ESX1: variants seen among roughly 807,000 people sequenced by gnomAD.
The protein encoded by ESX1 is ESX homeobox 1.
In ESX1, 2 loss-of-function variants were observed where a neutral mutation model predicts 13.2. The ratio of observed to expected loss-of-function variants is 0.15; its 90% confidence interval spans 0.06 to 0.48. ESX1 has a LOEUF of 0.48. ESX1 is among the 20% of genes least tolerant of loss of function. The pLI is 0.97. For missense variants in ESX1, 307 were observed against 379.0 expected (o/e 0.81, Z 1.58); for synonymous variants, 157 against 163.1 (o/e 0.96, Z 0.29).
At chrX:104,251,833 T>C (rs1808149814) in intron 3 of ESX1, among the ~76,000 whole-genome samples, 1 of 111,797 alleles carries the variant, frequency 8.9e-6, no homozygotes, top group Non-Finnish European at 1.9e-5. Flanking sequence ...ACATCTAAGA[T>C]GTTTTTTCTA....
chrX:104,252,318 G>A (rs1251330321), intron 3 of ESX1, among the ~76,000 whole-genome samples: 4 of 112,109 alleles, frequency 3.6e-5, no homozygotes, highest in African/African-American at 1.3e-4. Flanking sequence ...TACTTCCGAG[G>A]TGAGACTGAG....
chrX:104,251,056 C>T (rs1211319639), intron 3 of ESX1, among the ~76,000 whole-genome samples, 160 bp from the exon 4 acceptor site: 1 of 111,245 alleles, frequency 9.0e-6, no homozygotes. Flanking sequence ...GAGGGAGGGG[C>T]TCAGATGTGC....
In ESX1 at chrX:104,250,756, A is replaced by C. The variant is rs1556394128; in HGVS notation, c.693T>G (p.Pro231=). 1 of 1,210,043 alleles carries C rather than the reference A, an allele frequency of 8.3e-7. No individual in the cohort carries two copies. Among genetic ancestry groups the C allele is most frequent in the African/African-American group, 1.7e-5 (1 of 57,166 alleles). ...GAYYAAPALD[P]ALCVHLVPQL... ...GTGGCACCAGATGAACACACAAAGCAGGATCCAGAGCAGGAGCAGCATAAT... is the reference window on the plus strand; with the variant it reads ...GTGGCACCAGATGAACACACAAAGCCGGATCCAGAGCAGGAGCAGCATAAT... The change falls in exon 4 of 4, where the codon CCT becomes CCG. Residue 231 remains proline (P), a synonymous_variant. Transcript: ENST00000372588.
chrX:104,254,352 A>G lies in ESX1; in HGVS notation c.308T>C (p.Leu103Pro), dbSNP rs782397280. 8.3e-7 allele frequency: 1 copy of G among 1,210,432 alleles called. No homozygotes were observed. The highest frequency in any genetic ancestry group is 1.1e-6 in the Non-Finnish European group (1 of 895,082). ...KPEQQQEEPPLLELKQEQEEP... is the reference protein window; with the variant it reads ...KPEQQQEEPPPLELKQEQEEP... ...CTCCTGCTCTTGCTTCAGCTCGAGC[A>G]GGGGCGGCTCCTCCTGCTGTTGCTC... Residue 103 changes from leucine (L) to proline (P), a missense_variant, in exon 2 of 4, where the codon CTG becomes CCG. Transcript: ENST00000372588.
In ESX1 at chrX:104,254,569, G is replaced by T; in HGVS notation, c.91C>A (p.Leu31Ile). 1 of 1,208,138 alleles carries T rather than the reference G, an allele frequency of 8.3e-7. No homozygotes were observed. The highest frequency in any genetic ancestry group is 1.7e-5 in the African/African-American group (1 of 57,792). The change falls in exon 2 of 4, where the codon CTT (leucine) becomes ATT (isoleucine). Residue 31 changes from leucine (L) to isoleucine (I), a missense_variant. Transcript: ENST00000372588. The part of the protein sequence containing the change: ...EDIEEVNDEK[L>I]TVTSLMARGG... ...CTTGCCATCAGCGAGGTCACGGTAAGTTTCTCATCTGGGAAGGGAGGAAAG... is the reference window on the plus strand; with the variant it reads ...CTTGCCATCAGCGAGGTCACGGTAATTTTCTCATCTGGGAAGGGAGGAAAG...
rs1556395367 is a variant in ESX1, at chrX:104,254,429, G to A, written c.231C>T (p.Gly77=). The A allele has an allele frequency of 4.1e-6, 5 of 1,211,907 alleles. No individual in the cohort carries two copies. Among genetic ancestry groups the A allele is most frequent in the Non-Finnish European group, 4.5e-6 (4 of 895,493 alleles). Residue 77 remains glycine (G), a synonymous_variant, in exon 2 of 4, where the codon GGC becomes GGT. Transcript: ENST00000372588. ...VPSDDQDREG[G]GGHEPEQQQE... ...GCTGTTGCTCCGGCTCGTGGCCGCC[G>A]CCACCCTCACGGTCTTGGTCGTCCG...
chrX:104,250,709 AGCACAGGTG>A lies in ESX1; in HGVS notation c.731_739del (p.Pro244_Val246del), dbSNP rs782244508. On this transcript the variant is annotated inframe_deletion, in exon 4 of 4. Transcript: ENST00000372588. ...CCTGGGTGGCATAGGTGGCACAGGCAGCACAGGTGGTCTAGGTAGTTGTGGCACCAGATG... is the reference window on the plus strand; with the variant it reads ...CCTGGGTGGCATAGGTGGCACAGGCAGTCTAGGTAGTTGTGGCACCAGATG... 5.0e-6 allele frequency: 6 copies of A among 1,210,272 alleles called. No individual in the cohort carries two copies. The East Asian group carries it at 1.8e-4, about 36-fold the overall frequency.
chrX:104,251,287 T>C (rs1212236827), intron 3 of ESX1, among the ~76,000 whole-genome samples: 4 of 112,605 alleles, frequency 3.6e-5, no homozygotes, highest in Non-Finnish European at 5.6e-5. Context: ...TCTTTGTATT[T>C]TCTGGCTCTT....
intron 3 of ESX1, 31 bp downstream of exon 3, chrX:104,252,752 C>T (rs782440786): frequency 3.3e-5 from 40 of 1,196,760 alleles, no homozygotes; most frequent in Non-Finnish European, 4.4e-5. Flanking sequence ...AATGGCTGTC[C>T]TGCCAAATTG....
At position 104,250,711 on chromosome X, in the gene ESX1, C is replaced by T. The variant is rs1556394117; in HGVS notation, c.738G>A (p.Val246=). Residue 246 remains valine (V), a synonymous_variant, in exon 4 of 4, where the codon GTG becomes GTA. Transcript: ENST00000372588. The part of the protein sequence containing the change: ...HLVPQLPRPP[V]LPVPPMPPRP... ...TGGGTGGCATAGGTGGCACAGGCAG[C>T]ACAGGTGGTCTAGGTAGTTGTGGCA... The T allele has an allele frequency of 8.3e-7, 1 of 1,211,656 alleles. No homozygotes were observed. The highest frequency in any genetic ancestry group is 2.2e-5 in the Admixed American group (1 of 46,035).
At position 104,254,309 on chromosome X, in the gene ESX1, G is replaced by A; in HGVS notation, c.351C>T (p.Thr117=). ...CCTCCGCCGGCTGTGGCCCCTCCAC[G>A]GTCGTCTGGGGCGGCTCCTCCTGCT... ...KQEQEEPPQT[T]VEGPQPAEGP... The change falls in exon 2 of 4, where the codon ACC becomes ACT. Residue 117 remains threonine (T), a synonymous_variant. Coordinates refer to ENST00000372588, the MANE Select transcript of ESX1 (RefSeq NM_153448.4). 1 of 1,211,596 alleles carries A rather than the reference G, an allele frequency of 8.3e-7. No homozygotes were observed. Among genetic ancestry groups the A allele is most frequent in the African/African-American group, 1.7e-5 (1 of 57,878 alleles).
intron 3 of ESX1, 66 bp from the exon 4 acceptor site, chrX:104,250,962 T>G: frequency 1.0e-6 from 1 of 962,364 alleles, no homozygotes; most frequent in South Asian, 2.4e-5. Flanking sequence ...GAAAAAAACA[T>G]AACATGGAAT....
At position 104,254,292 on chromosome X, in the gene ESX1, G is replaced by C; in HGVS notation, c.368C>G (p.Pro123Arg). 8.3e-7 allele frequency: 1 copy of C among 1,211,772 alleles called. No homozygotes were observed. The highest frequency in any genetic ancestry group is 1.1e-6 in the Non-Finnish European group (1 of 895,476). Residue 123 changes from proline (P) to arginine (R), a missense_variant, in exon 2 of 4, where the codon CCG becomes CGG. Coordinates refer to ENST00000372588, the MANE Select transcript of ESX1 (RefSeq NM_153448.4). ...PPQTTVEGPQ[P>R]AEGPQTAEGP... ...CTCAGCGGTTTGTGGCCCCTCCGCC[G>C]GCTGTGGCCCCTCCACGGTCGTCTG... is the stretch of plus-strand genomic sequence containing the variant.
At chrX:104,253,575 C>T in intron 2 of ESX1, among the ~76,000 whole-genome samples, 1 of 111,610 alleles carries the variant, frequency 9.0e-6, no homozygotes, top group Non-Finnish European at 1.9e-5. Context: ...CGGGCGAAGG[C>T]TAAGTACAAC....
At chrX:104,252,020 T>C (rs1234103310) in intron 3 of ESX1, among the ~76,000 whole-genome samples, 2 of 112,123 alleles carry the variant, frequency 1.8e-5, no homozygotes, top group Admixed American at 1.9e-4. Flanking sequence ...TTTCATTTTT[T>C]AAAGACAGTT....
At chrX:104,254,606 C>G (rs782045480) in intron 1 of ESX1, 29 bp from the exon 2 acceptor site, 2 of 1,196,453 alleles carry the variant, frequency 1.7e-6, no homozygotes, top group Non-Finnish European at 2.3e-6. Flanking sequence ...AAAAGAGACA[C>G]CAGGGCGTTG....
At chrX:104,253,846 A>G (rs1253451091) in intron 2 of ESX1, among the ~76,000 whole-genome samples, 1 of 112,921 alleles carries the variant, frequency 8.9e-6, no homozygotes, top group African/African-American at 3.2e-5. Flanking sequence ...CGCACAATGT[A>G]AATGGCGCTA....
Position 104,254,479 on chromosome X carries a change from CGTT to C in ESX1, c.178_180del (p.Asn60del). 1 of 1,212,158 alleles carries C rather than the reference CGTT, an allele frequency of 8.2e-7. No individual in the cohort carries two copies. Among genetic ancestry groups the C allele is most frequent in the Non-Finnish European group, 1.1e-6 (1 of 895,622 alleles). ...GAGGGGACGGACCCTTCCGTGCCAA[CGTT>C]GTTTTCCGCTTCTGTTCCGTACTCA... On this transcript the variant is annotated inframe_deletion, in exon 2 of 4. Transcript: ENST00000372588.
At chrX:104,253,506 G>A (rs781893800) in intron 2 of ESX1, among the ~76,000 whole-genome samples, 2 of 111,958 alleles carry the variant, frequency 1.8e-5, no homozygotes, top group East Asian at 5.6e-4. Flanking sequence ...CTCTCAGGGA[G>A]GGAACTCCAA....
Sources: gnomAD v4.1 joint callset for allele counts (sites outside exome capture counted in the v4.1 genomes callset) on GRCh38, gnomAD v4.1.1 for gene constraint, MANE v1.5 for transcripts, NCBI Gene and HGNC (gene_info 2026-07-23, HGNC 2026-07-21) for gene names.